Variants in DCDC1 observed in about 807,000 individuals in gnomAD.
The protein encoded by DCDC1 is doublecortin domain containing 1.
A neutral mutation model predicts 178.3 loss-of-function variants in DCDC1; 200 were observed. That is an observed-to-expected ratio of 1.12 (90% CI 1.00 to 1.26). The LOEUF (loss-of-function observed/expected upper bound fraction) is 1.26, where lower values mean the gene tolerates loss of function less well. DCDC1 is among the 50% of genes most tolerant of loss of function. The pLI, the probability that DCDC1 is intolerant of heterozygous loss-of-function variation, is 0.00. For missense variants in DCDC1, 1,983 were observed against 1,749.2 expected (o/e 1.13, Z -2.38); for synonymous variants, 690 against 604.8 (o/e 1.14, Z -2.07).
At chr11:31,251,894 A>C (rs1332686614) in intron 8 of DCDC1, among the ~76,000 whole-genome samples, 1 of 152,200 alleles carries the variant, frequency 6.6e-6, no homozygotes, top group African/African-American at 2.4e-5. Context: ...ATTTGAGTGC[A>C]GAGTGGAAGG....
In DCDC1 at chr11:31,285,017, A is replaced by G. The variant is rs1946714150; in HGVS notation, c.960+5630T>C. 2.0e-5 allele frequency among the ~76,000 whole-genome samples: 3 copies of G among 152,128 alleles called. No homozygotes were observed. In the South Asian group the frequency reaches 6.2e-4, roughly 31 times the overall value. On this transcript the variant is annotated intron_variant, in intron 7 of 38. Coordinates refer to ENST00000684477, the MANE Select transcript of DCDC1 (RefSeq NM_001387274.1). ...ATCAGTAAAGTAAATGAATCTTTAG[A>G]CTGATAATTCTCATTTGTTTTTATT...
intron 3 of DCDC1, chr11:31,312,735 T>C (rs1453066933): frequency 6.6e-6 from 1 of 152,324 alleles, no homozygotes; most frequent in Non-Finnish European, 1.5e-5. Flanking sequence ...CTCTCAGGCC[T>C]TTGAACCACA....
At chr11:31,333,417 CATT>C (rs1490378217) in intron 2 of DCDC1, among the ~76,000 whole-genome samples, 1 of 152,168 alleles carries the variant, frequency 6.6e-6, no homozygotes, top group East Asian at 1.9e-4. Context: ...TTGATCCTGT[CATT>C]ATGATGTTAG....
intron 20 of DCDC1, among the ~76,000 whole-genome samples, chr11:30,958,064 T>C (rs1948872128): frequency 6.6e-6 from 1 of 152,190 alleles, no homozygotes; most frequent in Non-Finnish European, 1.5e-5. Context: ...TGAGAAATTG[T>C]CCCATTAGGT....
At chr11:30,906,312 C>G in intron 30 of DCDC1, 1 of 440,514 alleles carries the variant, frequency 2.3e-6, no homozygotes, top group Non-Finnish European at 4.0e-6. Flanking sequence ...ATTAAAGCTG[C>G]AGAAGTGCCC....
intron 9 of DCDC1, among the ~76,000 whole-genome samples, chr11:31,229,615 C>T (rs1975496650): frequency 6.6e-6 from 1 of 151,910 alleles, no homozygotes; most frequent in South Asian, 2.1e-4. Flanking sequence ...CACACAGTCC[C>T]CAGGAAACAA....
chr11:31,126,114 T>C (rs955621790), intron 11 of DCDC1, among the ~76,000 whole-genome samples: 2 of 152,230 alleles, frequency 1.3e-5, no homozygotes, highest in South Asian at 2.1e-4. Flanking sequence ...CCGTAGTTCA[T>C]ACGAATAGCT....
At chr11:31,078,268 CTTAA>C (rs1565254574) in intron 17 of DCDC1, among the ~76,000 whole-genome samples, 1 of 151,960 alleles carries the variant, frequency 6.6e-6, no homozygotes, top group Admixed American at 6.6e-5. Context: ...AAGAAAGAGA[CTTAA>C]TTAAGTATAA....
intron 9 of DCDC1, among the ~76,000 whole-genome samples, chr11:31,226,708 T>TAA (rs35522659): frequency 4.6e-5 from 6 of 130,996 alleles, no homozygotes; most frequent in African/African-American, 1.1e-4. Context: ...ATCTCATCTC[T>TAA]AAAAAAAAAA....
At chr11:31,341,604 T>C (rs1950551426) in intron 1 of DCDC1, among the ~76,000 whole-genome samples, 1 of 152,174 alleles carries the variant, frequency 6.6e-6, no homozygotes, top group East Asian at 1.9e-4. Flanking sequence ...GTACAGCATG[T>C]AACTGTGTAG....
In DCDC1 at chr11:30,922,655, C is replaced by T; in HGVS notation, c.2998-17G>A. 2 of 1,507,088 alleles carry T rather than the reference C, an allele frequency of 1.3e-6. No homozygotes were observed. The highest frequency in any genetic ancestry group is 1.8e-6 in the Non-Finnish European group (2 of 1,136,082). 93.4% of individuals were successfully genotyped at this position (1,507,088 alleles called of 1,614,324 possible). A position where few individuals can be genotyped will look rare whatever the true frequency, so the allele number is the denominator to read the frequency against. On this transcript the variant is annotated splice_polypyrimidine_tract_variant and intron_variant, in intron 23 of 38. Transcript: ENST00000684477. ...AACATACACCTATCAAACAAAGCATCTCTTATCCTGTATATAATTGTCACA... is the reference window on the plus strand; with the variant it reads ...AACATACACCTATCAAACAAAGCATTTCTTATCCTGTATATAATTGTCACA...
At chr11:31,309,509 T>G (rs571745300) in intron 3 of DCDC1, among the ~76,000 whole-genome samples, 39 of 152,208 alleles carry the variant, frequency 2.6e-4, no homozygotes, top group Non-Finnish European at 4.6e-4. Context: ...GCAATGGAGC[T>G]TCACACGGTT....
intron 15 of DCDC1, among the ~76,000 whole-genome samples, chr11:31,098,967 T>C (rs1379800184): frequency 6.6e-6 from 1 of 152,216 alleles, no homozygotes; most frequent in African/African-American, 2.4e-5. Flanking sequence ...ATGATGAGTG[T>C]TTTCTCATTT....
intron 9 of DCDC1, among the ~76,000 whole-genome samples, chr11:31,216,192 G>T (rs769785779): frequency 6.6e-6 from 1 of 152,116 alleles, no homozygotes. Flanking sequence ...CTATTAATAT[G>T]AATATTAACG....
At chr11:31,001,460 C>G (rs903543044) in intron 20 of DCDC1, among the ~76,000 whole-genome samples, 2 of 152,094 alleles carry the variant, frequency 1.3e-5, no homozygotes, top group East Asian at 3.9e-4. Context: ...GGACAAAAAT[C>G]TCTGTTTTGC....
At chr11:31,353,953 ATAGT>A (rs1307834559) in intron 1 of DCDC1, among the ~76,000 whole-genome samples, 1 of 152,076 alleles carries the variant, frequency 6.6e-6, no homozygotes, top group Non-Finnish European at 1.5e-5. Context: ...TCTTGAAGGG[ATAGT>A]TAGTTCAAAC....
intron 3 of DCDC1, among the ~76,000 whole-genome samples, chr11:31,311,647 G>C (rs1948778353): frequency 6.6e-6 from 1 of 152,134 alleles, no homozygotes; most frequent in African/African-American, 2.4e-5. Context: ...TTGGCCCAAA[G>C]AGATGTGGAT....
At chr11:31,099,060 G>A (rs1217565887) in intron 15 of DCDC1, among the ~76,000 whole-genome samples, 2 of 152,146 alleles carry the variant, frequency 1.3e-5, no homozygotes, top group Admixed American at 6.5e-5. Context: ...TTAGAAAATA[G>A]ATTTATCTTG....
intron 18 of DCDC1, among the ~76,000 whole-genome samples, chr11:31,065,841 C>T (rs1956220686): frequency 6.6e-6 from 1 of 152,176 alleles, no homozygotes; most frequent in African/African-American, 2.4e-5. Flanking sequence ...TGTCACTGCT[C>T]ATCAGGCTAA....
Sources: allele counts gnomAD v4.1 joint callset (sites outside exome capture counted in the v4.1 genomes callset), GRCh38; gene constraint gnomAD v4.1.1; transcripts MANE v1.5; gene names NCBI Gene and HGNC (gene_info 2026-07-23, HGNC 2026-07-21).